The following DCC variants were observed in gnomAD, a reference collection of about 807,000 sequenced individuals.
The protein encoded by DCC is netrin receptor DCC.
In DCC, 58 loss-of-function variants were observed where a neutral mutation model predicts 172.5. That is an observed-to-expected ratio of 0.34 (90% CI 0.27 to 0.42). DCC has a LOEUF of 0.42. DCC is among the 10% of genes least tolerant of loss of function. The pLI is 1.00. For missense variants in DCC, 1,740 were observed against 1,791.0 expected (o/e 0.97, Z 0.51); for synonymous variants, 709 against 644.5 (o/e 1.10, Z -1.52).
At chr18:53,139,064 A>G (rs898565010) in intron 7 of DCC, among the ~76,000 whole-genome samples, 1 of 152,158 alleles carries the variant, frequency 6.6e-6, no homozygotes. Flanking sequence ...CTTCTGCACT[A>G]TCCAATGTCT....
intron 5 of DCC, among the ~76,000 whole-genome samples, chr18:53,008,786 A>C (rs1265333774): frequency 6.6e-6 from 1 of 152,012 alleles, no homozygotes; most frequent in Non-Finnish European, 1.5e-5. Flanking sequence ...GTACTGAAAA[A>C]AGGTACTAAT....
At chr18:53,256,622 G>C (rs1308307791) in intron 12 of DCC, among the ~76,000 whole-genome samples, 5 of 152,240 alleles carry the variant, frequency 3.3e-5, no homozygotes, top group South Asian at 2.1e-4. Flanking sequence ...TAGCCTTGTA[G>C]TATAGTTTGA....
At chr18:53,015,586 CT>C (rs1481126004) in intron 5 of DCC, among the ~76,000 whole-genome samples, 1 of 152,170 alleles carries the variant, frequency 6.6e-6, no homozygotes, top group African/African-American at 2.4e-5. Flanking sequence ...AAGGAAATCT[CT>C]TTTTTTCTTC....
intron 2 of DCC, among the ~76,000 whole-genome samples, chr18:52,783,321 C>A (rs1438962053): frequency 4.8e-5 from 3 of 62,144 alleles, no homozygotes; most frequent in Admixed American, 5.3e-4. Context: ...TATACTACTA[C>A]TCTTTTTTTT....
At chr18:52,778,412 ACT>A (rs957302642) in intron 2 of DCC, among the ~76,000 whole-genome samples, 1 of 152,050 alleles carries the variant, frequency 6.6e-6, no homozygotes, top group African/African-American at 2.4e-5. Flanking sequence ...TCACTATTAA[ACT>A]CTGTGAACCG....
intron 2 of DCC, among the ~76,000 whole-genome samples, chr18:52,874,103 T>C (rs1347140457): frequency 6.6e-6 from 1 of 152,150 alleles, no homozygotes; most frequent in Non-Finnish European, 1.5e-5. Flanking sequence ...GAAGTTAAAT[T>C]CCTTATGGCT....
intron 13 of DCC, among the ~76,000 whole-genome samples, chr18:53,313,651 T>C (rs185066989): frequency 2.2e-4 from 34 of 152,362 alleles, no homozygotes; most frequent in African/African-American, 8.2e-4. Flanking sequence ...TCATCAATTT[T>C]AACCTCCCTA....
intron 7 of DCC, among the ~76,000 whole-genome samples, chr18:53,099,381 A>G (rs530355770): frequency 7.9e-5 from 12 of 152,218 alleles, no homozygotes; most frequent in African/African-American, 1.9e-4. Flanking sequence ...GCTTCCTACT[A>G]TGCCCTTTGA....
At chr18:53,416,186 T>C (rs549228765) in intron 21 of DCC, 30 bp downstream of exon 21, 2 of 1,549,036 alleles carry the variant, frequency 1.3e-6, no homozygotes, top group Admixed American at 1.7e-5. Flanking sequence ...CATTTTGTGT[T>C]CCTTGAATCA....
intron 2 of DCC, among the ~76,000 whole-genome samples, chr18:52,852,770 G>T (rs1464539411): frequency 1.3e-5 from 2 of 152,112 alleles, no homozygotes; most frequent in East Asian, 3.9e-4. Flanking sequence ...TAAATAACAG[G>T]CATATGAACA....
intron 1 of DCC, among the ~76,000 whole-genome samples, chr18:52,730,842 C>T (rs1350534901): frequency 1.3e-5 from 2 of 152,116 alleles, no homozygotes; most frequent in African/African-American, 2.4e-5. Flanking sequence ...TGAGGGAAAT[C>T]AGATAACGCA....
At chr18:53,433,672 A>G (rs1023613532) in intron 21 of DCC, among the ~76,000 whole-genome samples, 1 of 151,422 alleles carries the variant, frequency 6.6e-6, no homozygotes, top group African/African-American at 2.4e-5. Context: ...AGTTATATAA[A>G]CAAGGTATTT....
intron 5 of DCC, among the ~76,000 whole-genome samples, chr18:53,044,055 G>C (rs534297331): frequency 4.3e-4 from 66 of 151,956 alleles, no homozygotes; most frequent in South Asian, 1.5e-3. Flanking sequence ...TACTGTTCTT[G>C]CCTACTAATA....
intron 27 of DCC, among the ~76,000 whole-genome samples, chr18:53,526,285 C>G (rs927416317): frequency 5.3e-5 from 8 of 152,068 alleles, no homozygotes; most frequent in African/African-American, 1.9e-4. Flanking sequence ...TGGCCCTAAG[C>G]CGAGACTGGC....
intron 15 of DCC, among the ~76,000 whole-genome samples, chr18:53,355,189 A>T (rs1380148057): frequency 6.6e-6 from 1 of 152,088 alleles, no homozygotes; most frequent in Non-Finnish European, 1.5e-5. Context: ...CTTGTAGTAT[A>T]GTTTGAAGTC....
In DCC at chr18:53,299,230, T is replaced by A. The variant is rs117831129; in HGVS notation, c.1912-6348T>A. ...CAGCCAGGGACTCTACACTATTATT[T>A]TATGCATTATTTTATCTCCTAAATA... On this transcript the variant is annotated intron_variant, in intron 12 of 28. Coordinates refer to ENST00000442544, the MANE Select transcript of DCC (RefSeq NM_005215.4). Among the ~76,000 whole-genome samples, 815 of 152,288 alleles carry A rather than the reference T, an allele frequency of 5.4e-3. 6 individuals carry two copies. Among genetic ancestry groups the A allele is most frequent in the Admixed American group, 0.023 (347 of 15,294 alleles).
At chr18:52,511,610 A>G (rs1028387655) in intron 1 of DCC, among the ~76,000 whole-genome samples, 1 of 152,120 alleles carries the variant, frequency 6.6e-6, no homozygotes, top group Admixed American at 6.5e-5. Flanking sequence ...TTGCTGCTAA[A>G]CCTCCTACAA....
intron 2 of DCC, among the ~76,000 whole-genome samples, chr18:52,871,205 A>G (rs550753275): frequency 3.9e-5 from 6 of 152,286 alleles, no homozygotes; most frequent in Admixed American, 3.3e-4. Flanking sequence ...CACGACCTCA[A>G]AATCATGCTT....
intron 2 of DCC, among the ~76,000 whole-genome samples, chr18:52,865,161 G>T (rs558937390): frequency 1.8e-3 from 274 of 152,070 alleles, no homozygotes; most frequent in Non-Finnish European, 3.3e-3. Flanking sequence ...CACCACACCC[G>T]CCTGAACTCA....
Sources: allele counts gnomAD v4.1 joint callset (sites outside exome capture counted in the v4.1 genomes callset), GRCh38; gene constraint gnomAD v4.1.1; transcripts MANE v1.5; gene names NCBI Gene and HGNC (gene_info 2026-07-23, HGNC 2026-07-21).